COMT: variants seen among roughly 807,000 people sequenced by gnomAD.
COMT encodes the protein catechol-O-methyltransferase.
COMT carries 13 observed loss-of-function variants against 18.9 expected under a neutral mutation model. The ratio of observed to expected loss-of-function variants is 0.69; its 90% confidence interval spans 0.45 to 1.09. The LOEUF is 1.09. COMT is among the 50% of genes least tolerant of loss of function. The pLI, the probability that COMT is intolerant of heterozygous loss-of-function variation, is 0.00. For missense variants in COMT, 329 were observed against 361.8 expected (o/e 0.91, Z 0.73); for synonymous variants, 150 against 160.9 (o/e 0.93, Z 0.51).
In COMT at chr22:19,968,796, C is replaced by A; in HGVS notation, c.*60C>A. ...CCAGCCTGGTACTGAAGGTGCCAGA[C>A]GTGCTCCTGCTGACCTTCTGCGGCT... is the stretch of plus-strand genomic sequence containing the variant. On this transcript the variant is annotated 3_prime_UTR_variant, in exon 6 of 6. Coordinates refer to ENST00000361682, the MANE Select transcript of COMT (RefSeq NM_000754.4). The A allele has an allele frequency of 7.2e-6, 11 of 1,518,870 alleles. No individual in the cohort carries two copies. The Middle Eastern group carries it at 6.6e-4, about 92-fold the overall frequency. 94.1% of individuals were successfully genotyped at this position (1,518,870 alleles called of 1,614,324 possible).
chr22:19,950,241 C>CTTTTCTTT (rs1941904578), intron 1 of COMT, among the ~76,000 whole-genome samples: 2 of 87,852 alleles, frequency 2.3e-5, no homozygotes, highest in African/African-American at 8.7e-5. Context: ...CTTTTCTTTT[C>CTTTTCTTT]TTTTTTTTTT....
At chr22:19,953,005 T>A (rs1053198138) in intron 1 of COMT, among the ~76,000 whole-genome samples, 19 of 132,482 alleles carry the variant, frequency 1.4e-4, no homozygotes, top group Admixed American at 1.4e-3. Flanking sequence ...AATAAATAAA[T>A]AAAATGAAGC....
chr22:19,955,637 G>C (rs1293708564), intron 1 of COMT, among the ~76,000 whole-genome samples: 1 of 152,246 alleles, frequency 6.6e-6, no homozygotes, highest in Non-Finnish European at 1.5e-5. Context: ...CCTGCCATCT[G>C]TGTCCTGTTT....
Position 19,968,928 on chromosome 22 carries a change from A to T in COMT, c.*192A>T. 1 of 599,590 alleles carries T rather than the reference A, an allele frequency of 1.7e-6. No homozygotes were observed. Among genetic ancestry groups the T allele is most frequent in the South Asian group, 1.9e-5 (1 of 51,830 alleles). 37.1% of individuals were successfully genotyped at this position (599,590 alleles called of 1,614,324 possible). On this transcript the variant is annotated 3_prime_UTR_variant, in exon 6 of 6. Coordinates refer to ENST00000361682, the MANE Select transcript of COMT (RefSeq NM_000754.4). The stretch of plus-strand genomic sequence containing the variant: ...GATTGTTCTTTTTTAAGACTCAATC[A>T]TGACTTCTTTACTAACACTGGCTAG...
intron 4 of COMT, 195 bp from the exon 5 acceptor site, chr22:19,963,973 G>A (rs1942270580): frequency 8.1e-7 from 1 of 1,231,604 alleles, no homozygotes; most frequent in South Asian, 1.3e-5. Context: ...CTGCCAAGGT[G>A]GCACCAGGAG....
chr22:19,962,504 G>GCCCCCC, intron 2 of COMT, 23 bp from the exon 3 acceptor site: 1 of 1,542,728 alleles, frequency 6.5e-7, no homozygotes, highest in Admixed American at 1.9e-5. Context: ...GAGCACTGGC[G>GCCCCCC]CCCCTCCCCT....
chr22:19,941,946 G>C, intron 1 of COMT, 49 bp downstream of exon 1: 2 of 792,452 alleles, frequency 2.5e-6, no homozygotes, highest in Non-Finnish European at 3.6e-6. Context: ...ATTCGGGGCG[G>C]GGGCCTTCAG....
chr22:19,955,115 C>T (rs1942030764), intron 1 of COMT, among the ~76,000 whole-genome samples: 1 of 152,216 alleles, frequency 6.6e-6, no homozygotes, highest in South Asian at 2.1e-4. Flanking sequence ...AGCAATCCTC[C>T]CACTTCAGCC....
chr22:19,961,709 G>A (rs1942195618), intron 2 of COMT: 1 of 152,300 alleles, frequency 6.6e-6, no homozygotes, highest in African/African-American at 2.4e-5. Context: ...TCTGTGACCT[G>A]AACCCCTGGG....
chr22:19,964,710 T>G (rs986535627), intron 5 of COMT: 14 of 520,670 alleles, frequency 2.7e-5, no homozygotes, highest in Non-Finnish European at 4.2e-5. Flanking sequence ...ATGTGTCTCC[T>G]GCAGATCTTC....
chr22:19,953,539 T>C (rs1941994585), intron 1 of COMT, among the ~76,000 whole-genome samples: 1 of 152,168 alleles, frequency 6.6e-6, no homozygotes, highest in Admixed American at 6.5e-5. Context: ...GTGATCTGCC[T>C]GCCTCAGCCT....
chr22:19,964,118 G>A (rs761388323), intron 4 of COMT, 50 bp from the exon 5 acceptor site: 2 of 1,613,478 alleles, frequency 1.2e-6, no homozygotes, highest in Non-Finnish European at 8.5e-7. Context: ...AGGTGTGTAG[G>A]GATGGCCTCC....
Position 19,962,636 on chromosome 22 carries a change from G to A in COMT, c.110G>A (p.Gly37Asp). ...RHWGWGLCLI[G>D]WNEFILQPIH... is the part of the protein sequence containing the mutation. ...TGGGGCTGGGGCCTGTGCCTTATCG[G>A]CTGGAACGAGTTCATCCTGCAGCCC... Residue 37 changes from glycine (G) to aspartate (D), a missense_variant, in exon 3 of 6, where the codon GGC becomes GAC. Physicochemically the swap from Gly to Asp is moderately conservative, Grantham distance 94. Transcript: ENST00000361682. 1 of 1,605,330 alleles carries A rather than the reference G, an allele frequency of 6.2e-7. No individual in the cohort carries two copies.
intron 1 of COMT, among the ~76,000 whole-genome samples, chr22:19,944,408 C>T (rs1941801379): frequency 6.6e-6 from 1 of 152,026 alleles, no homozygotes; most frequent in Non-Finnish European, 1.5e-5. Context: ...ATTAGCCGGG[C>T]GTGGTGGTGC....
rs541173058 is a variant in COMT, at chr22:19,965,051, G to A, written c.615+752G>A. The A allele has an allele frequency of 6.7e-5, 11 of 163,778 alleles. No homozygotes were observed. The South Asian group carries it at 1.6e-3, about 24-fold the overall frequency. The allele number at this position is 163,778 out of a possible 1,614,324, so 10.1% of individuals were successfully genotyped here. A position where few individuals can be genotyped will look rare whatever the true frequency, so the allele number is the denominator to read the frequency against. ...CTGTTAGCAGCCGGACTAGGAGCAC[G>A]AGGGGCACAGCCCCCATGCCTGGCT... On this transcript the variant is annotated intron_variant, in intron 5 of 5. Coordinates refer to ENST00000361682, the MANE Select transcript of COMT (RefSeq NM_000754.4).
At chr22:19,964,096 G>T in intron 4 of COMT, 72 bp from the exon 5 acceptor site, 1 of 1,613,454 alleles carries the variant, frequency 6.2e-7, no homozygotes, top group Non-Finnish European at 8.5e-7. Context: ...GCACTGACAG[G>T]CGCTGTTGTA....
chr22:19,951,312 T>C (rs149813069), intron 1 of COMT, among the ~76,000 whole-genome samples: 2,949 of 146,578 alleles, frequency 0.02, 42 homozygotes, highest in African/African-American at 0.037. Context: ...TGAGCCGAGA[T>C]TATGCCACTG....
intron 1 of COMT, among the ~76,000 whole-genome samples, chr22:19,958,068 G>T (rs1434316426): frequency 1.3e-5 from 2 of 152,024 alleles, no homozygotes; most frequent in Non-Finnish European, 2.9e-5. Flanking sequence ...GAGTAGAATT[G>T]CTGGGTCATA....
At chr22:19,967,273 C>T (rs1358503107) in intron 5 of COMT, 2 of 1,221,020 alleles carry the variant, frequency 1.6e-6, no homozygotes, top group Admixed American at 2.3e-5. Context: ...AGCCCAGGCC[C>T]CTCACTCATG....
Sources: gnomAD v4.1 joint callset for allele counts (sites outside exome capture counted in the v4.1 genomes callset) on GRCh38, gnomAD v4.1.1 for gene constraint, MANE v1.5 for transcripts, NCBI Gene and HGNC (gene_info 2026-07-23, HGNC 2026-07-21) for gene names.